IKZF1: variants seen among roughly 807,000 people sequenced by gnomAD.
IKZF1 encodes DNA-binding protein Ikaros.
A neutral mutation model predicts 51.7 loss-of-function variants in IKZF1; 10 were observed. The ratio of observed to expected loss-of-function variants is 0.19; its 90% confidence interval spans 0.12 to 0.33. The LOEUF (loss-of-function observed/expected upper bound fraction) is 0.33, where lower values mean the gene tolerates loss of function less well. Among genes scored for constraint, IKZF1 ranks in the 10% least tolerant of loss-of-function variants. The probability of loss-of-function intolerance (pLI) is 1.00; values close to 1 mark genes in which losing one functional copy is unlikely to be tolerated. For synonymous variants in IKZF1, 280 were observed against 282.3 expected (o/e 0.99, Z 0.08); for missense variants, 484 against 707.5 (o/e 0.68, Z 3.58).
chr7:50,326,240 C>T (rs1008961989), intron 2 of IKZF1, among the ~76,000 whole-genome samples: 14 of 152,320 alleles, frequency 9.2e-5, no homozygotes, highest in African/African-American at 2.6e-4. Context: ...TCATGTTTTT[C>T]AGACATTTTA....
intron 6 of IKZF1, among the ~76,000 whole-genome samples, chr7:50,390,036 C>T (rs1239054837): frequency 6.6e-6 from 1 of 152,238 alleles, no homozygotes; most frequent in African/African-American, 2.4e-5. Flanking sequence ...TTTTGGTCAC[C>T]TCTTATAATT....
At chr7:50,312,477 A>G (rs1284425489) in intron 1 of IKZF1, among the ~76,000 whole-genome samples, 1 of 152,196 alleles carries the variant, frequency 6.6e-6, no homozygotes, top group Non-Finnish European at 1.5e-5. Context: ...ACAAACGTGA[A>G]CACAGAGGAC....
chr7:50,393,236 G>A (rs1490769552), intron 7 of IKZF1, among the ~76,000 whole-genome samples: 1 of 152,214 alleles, frequency 6.6e-6, no homozygotes, highest in Non-Finnish European at 1.5e-5. Flanking sequence ...ACTGATTCTA[G>A]AGTAGTGTGC....
chr7:50,397,220 C>T (rs965064910), intron 7 of IKZF1, among the ~76,000 whole-genome samples: 10 of 152,144 alleles, frequency 6.6e-5, no homozygotes, highest in Non-Finnish European at 1.0e-4. Flanking sequence ...TTCTCACACA[C>T]GCCATAATGA....
chr7:50,381,105 A>C (rs1811728729), intron 4 of IKZF1, among the ~76,000 whole-genome samples: 1 of 151,112 alleles, frequency 6.6e-6, no homozygotes, highest in Admixed American at 6.6e-5. Context: ...TAATGCATCT[A>C]ACCCGCCAGC....
chr7:50,356,012 C>A lies in IKZF1; in HGVS notation c.161-20521C>A, dbSNP rs542484736. 2.6e-5 allele frequency among the ~76,000 whole-genome samples: 4 copies of A among 152,322 alleles called. No homozygotes were observed. In the South Asian group the frequency reaches 8.3e-4, roughly 32 times the overall value. ...GGTTATCTCCACGAACAGAAAATGC[C>A]ACAGATGGGTTAATTCACTGTGTTG... On this transcript the variant is annotated intron_variant, in intron 3 of 7. Transcript: ENST00000331340.
At chr7:50,356,089 C>T (rs903713074) in intron 3 of IKZF1, among the ~76,000 whole-genome samples, 3 of 152,308 alleles carry the variant, frequency 2.0e-5, no homozygotes, top group Non-Finnish European at 4.4e-5. Context: ...GTTTTCCTCG[C>T]TTAAAAAATG....
chr7:50,365,626 A>G (rs1284555910), intron 3 of IKZF1, among the ~76,000 whole-genome samples: 1 of 152,232 alleles, frequency 6.6e-6, no homozygotes, highest in Non-Finnish European at 1.5e-5. Flanking sequence ...TAAAAAGTCA[A>G]AGAATGACAG....
intron 7 of IKZF1, among the ~76,000 whole-genome samples, chr7:50,398,898 A>T (rs1197120948): frequency 6.6e-6 from 1 of 152,222 alleles, no homozygotes; most frequent in African/African-American, 2.4e-5. Context: ...TACTGAACTT[A>T]TGACCAACAT....
chr7:50,356,362 C>T (rs770891494), intron 3 of IKZF1, among the ~76,000 whole-genome samples: 2 of 152,118 alleles, frequency 1.3e-5, no homozygotes, highest in African/African-American at 2.4e-5. Flanking sequence ...CCATCTGGAC[C>T]ATAGAGTGAA....
At chr7:50,342,930 A>G (rs1296939961) in intron 3 of IKZF1, among the ~76,000 whole-genome samples, 1 of 152,180 alleles carries the variant, frequency 6.6e-6, no homozygotes, top group Non-Finnish European at 1.5e-5. Context: ...CAGATTCGTC[A>G]TGGAAGCTTT....
chr7:50,334,334 G>A (rs1797069731), intron 3 of IKZF1, among the ~76,000 whole-genome samples: 1 of 152,102 alleles, frequency 6.6e-6, no homozygotes, highest in Non-Finnish European at 1.5e-5. Flanking sequence ...ATGTGCATGT[G>A]GTACATGTGT....
intron 4 of IKZF1, among the ~76,000 whole-genome samples, chr7:50,377,828 A>G (rs1300109758): frequency 6.6e-6 from 1 of 152,234 alleles, no homozygotes; most frequent in Non-Finnish European, 1.5e-5. Context: ...TGATAGCTGA[A>G]ACGTGAAACA....
At chr7:50,369,427 A>G in intron 3 of IKZF1, 2 of 398,338 alleles carry the variant, frequency 5.0e-6, no homozygotes, top group Non-Finnish European at 8.9e-6. Context: ...TTTTTATAAA[A>G]GAGATGATAT....
intron 3 of IKZF1, among the ~76,000 whole-genome samples, chr7:50,370,723 C>T (rs962581318): frequency 4.6e-5 from 7 of 152,202 alleles, no homozygotes; most frequent in Non-Finnish European, 2.9e-5. Context: ...AAAGAGCCCA[C>T]GGTGGGCATG....
intron 3 of IKZF1, among the ~76,000 whole-genome samples, chr7:50,335,396 GATGTGTGGTGTGT>G (rs1444607105): frequency 5.2e-4 from 76 of 145,460 alleles, no homozygotes; most frequent in Admixed American, 1.6e-3. Context: ...GTGTGTATGG[GATGTGTGGTGTGT>G]ATGTGTGGTG....
At chr7:50,389,874 C>G (rs551651610) in intron 6 of IKZF1, among the ~76,000 whole-genome samples, 1 of 152,210 alleles carries the variant, frequency 6.6e-6, no homozygotes. Context: ...CTCTAAGAAC[C>G]CCTTGTCTGT....
intron 3 of IKZF1, among the ~76,000 whole-genome samples, chr7:50,358,725 C>T (rs758844448): frequency 2.4e-4 from 37 of 152,126 alleles, no homozygotes; most frequent in Non-Finnish European, 4.3e-4. Context: ...AGCATTTATA[C>T]AGCACGGGGC....
intron 5 of IKZF1, 137 bp downstream of exon 5, chr7:50,382,844 C>A: frequency 8.9e-7 from 1 of 1,128,120 alleles, no homozygotes; most frequent in Non-Finnish European, 1.2e-6. Flanking sequence ...CGGGTGTGAG[C>A]TGTTGCTTCT....
Sources: allele counts gnomAD v4.1 joint callset (sites outside exome capture counted in the v4.1 genomes callset), GRCh38; gene constraint gnomAD v4.1.1; transcripts MANE v1.5; gene names NCBI Gene and HGNC (gene_info 2026-07-23, HGNC 2026-07-21).